Variants in FKBP5 observed in about 807,000 individuals in gnomAD.
FKBP5 encodes peptidyl-prolyl cis-trans isomerase FKBP5.
In FKBP5, 23 loss-of-function variants were observed where a neutral mutation model predicts 50.5. That is an observed-to-expected ratio of 0.46 (90% confidence interval 0.33 to 0.65). The LOEUF is 0.65. Ranked by LOEUF, FKBP5 falls within the 30% of genes least tolerant of loss-of-function variation. The pLI, the probability that FKBP5 is intolerant of heterozygous loss-of-function variation, is 0.02. For synonymous variants in FKBP5, 176 were observed against 190.6 expected, an observed-to-expected ratio of 0.92 and a Z score of 0.63; for missense variants, 411 against 553.1, an observed-to-expected ratio of 0.74 and a Z score of 2.58.
chr6:35,578,511 G>A (rs1554129943), intron 9 of FKBP5, among the ~76,000 whole-genome samples: 1 of 152,166 alleles, frequency 6.6e-6, no homozygotes, highest in Non-Finnish European at 1.5e-5. Flanking sequence ...GCTCACACCT[G>A]TAATCCCAGC....
chr6:35,691,951 T>G (rs1339652832), upstream of FKBP5, among the ~76,000 whole-genome samples: 1 of 152,178 alleles, frequency 6.6e-6, no homozygotes, highest in African/African-American at 2.4e-5. Context: ...CTTGAAATTC[T>G]TAGTACTTTC....
intron 1 of FKBP5, among the ~76,000 whole-genome samples, chr6:35,668,308 C>A (rs1418758842): frequency 6.6e-6 from 1 of 152,206 alleles, no homozygotes; most frequent in Non-Finnish European, 1.5e-5. Flanking sequence ...CCCTGCTTCT[C>A]CCTCTTAGGC....
chr6:35,642,878 T>G lies in FKBP5; in HGVS notation c.-19-35A>C, dbSNP rs759406800. On this transcript the variant is annotated intron_variant, in intron 1 of 10. Coordinates refer to ENST00000357266, the MANE Select transcript of FKBP5 (RefSeq NM_004117.4). ...AGAAAAATATTTTAGCTGGGAAAAATATCACTTCTTTATGAATCTTGAATG... is the reference window on the plus strand; with the variant it reads ...AGAAAAATATTTTAGCTGGGAAAAAGATCACTTCTTTATGAATCTTGAATG... 3.4e-6 allele frequency: 5 copies of G among 1,473,510 alleles called. No individual in the cohort carries two copies. In the South Asian group the frequency reaches 5.8e-5, roughly 17 times the overall value. The allele number at this position is 1,473,510 out of a possible 1,614,324, so 91.3% of individuals were successfully genotyped here.
At chr6:35,645,864 CA>C (rs1764614957) in intron 1 of FKBP5, among the ~76,000 whole-genome samples, 1 of 152,208 alleles carries the variant, frequency 6.6e-6, no homozygotes, top group Non-Finnish European at 1.5e-5. Context: ...CCTGTAATCT[CA>C]ACACTTTGGG....
intron 3 of FKBP5, among the ~76,000 whole-genome samples, chr6:35,625,911 C>A (rs1763983429): frequency 1.3e-5 from 2 of 151,580 alleles, no homozygotes; most frequent in African/African-American, 2.4e-5. Flanking sequence ...TCCCGAGTAG[C>A]TGGGACTACA....
At chr6:35,705,807 G>T (rs1215752469) in intron 2 of FKBP5, among the ~76,000 whole-genome samples, 1 of 152,022 alleles carries the variant, frequency 6.6e-6, no homozygotes, top group African/African-American at 2.4e-5. Context: ...AAACTATAAA[G>T]ATAATATAAG....
intron 1 of FKBP5, among the ~76,000 whole-genome samples, chr6:35,649,912 G>A (rs1431181617): frequency 2.0e-5 from 3 of 152,192 alleles, no homozygotes; most frequent in African/African-American, 4.8e-5. Context: ...TCATGGGAAT[G>A]TTAGACTAAA....
intron 1 of FKBP5, among the ~76,000 whole-genome samples, chr6:35,664,483 G>C (rs1012163731): frequency 3.3e-5 from 5 of 152,126 alleles, no homozygotes; most frequent in African/African-American, 4.8e-5. Flanking sequence ...GAACAATGTG[G>C]TATCTACAGG....
intron 7 of FKBP5, among the ~76,000 whole-genome samples, chr6:35,590,810 C>T (rs891622343): frequency 4.0e-5 from 6 of 149,852 alleles, no homozygotes; most frequent in Admixed American, 2.7e-4. Flanking sequence ...CTGTCCTCAA[C>T]CCAGGAAAAA....
chr6:35,627,220 C>G (rs1250533242), intron 3 of FKBP5, among the ~76,000 whole-genome samples: 1 of 152,080 alleles, frequency 6.6e-6, no homozygotes, highest in Non-Finnish European at 1.5e-5. Context: ...CTTGCATTTC[C>G]CTAATGATTA....
intron 5 of FKBP5, among the ~76,000 whole-genome samples, chr6:35,613,962 C>T (rs574635912): frequency 6.6e-6 from 1 of 152,290 alleles, no homozygotes; most frequent in African/African-American, 2.4e-5. Flanking sequence ...GTGGCATGAT[C>T]ACAACTCTCT....
chr6:35,714,826 A>AAT (rs1766484978), intron 2 of FKBP5, among the ~76,000 whole-genome samples: 1 of 151,938 alleles, frequency 6.6e-6, no homozygotes, highest in African/African-American at 2.4e-5. Context: ...AAAAAAAAAA[A>AAT]AAAATTCTGT....
chr6:35,607,439 AGTGACCATCCCAC>A (rs1436991758), intron 5 of FKBP5, among the ~76,000 whole-genome samples: 1 of 151,908 alleles, frequency 6.6e-6, no homozygotes, highest in Non-Finnish European at 1.5e-5. Context: ...CCTGGGCTCA[AGTGACCATCCCAC>A]CTTGGCCTCC....
chr6:35,682,271 C>T (rs1443143659), intron 1 of FKBP5, among the ~76,000 whole-genome samples: 1 of 152,136 alleles, frequency 6.6e-6, no homozygotes, highest in East Asian at 1.9e-4. Context: ...TAATATCTAA[C>T]ATGGGTAAAG....
chr6:35,711,916 G>A lies in FKBP5; in HGVS notation c.-20+8412C>T, dbSNP rs562786062. Among the ~76,000 whole-genome samples, 10 of 151,416 alleles carry A rather than the reference G, an allele frequency of 6.6e-5. No individual in the cohort carries two copies. In the East Asian group the frequency reaches 7.8e-4, roughly 12 times the overall value. ...TTTTTTGAGACAGTCTCGCTCTATC[G>A]CCCAGGCTAGAGTGCAGTGGTGCAA... On this transcript the variant is annotated intron_variant, in intron 2 of 11. Transcript: ENST00000536438.
chr6:35,589,152 G>A (rs1314578968), intron 7 of FKBP5, among the ~76,000 whole-genome samples: 6 of 131,324 alleles, frequency 4.6e-5, no homozygotes, highest in African/African-American at 1.8e-4. Context: ...CCTCTGAGAC[G>A]GAGTCTTGCT....
chr6:35,622,487 G>A (rs1411068248), intron 3 of FKBP5, among the ~76,000 whole-genome samples: 1 of 151,442 alleles, frequency 6.6e-6, no homozygotes, highest in Admixed American at 6.6e-5. Flanking sequence ...CTCCAGACTA[G>A]GTGACAGAGC....
intron 5 of FKBP5, among the ~76,000 whole-genome samples, chr6:35,597,900 C>T (rs1007044001): frequency 2.0e-5 from 3 of 152,144 alleles, no homozygotes; most frequent in Non-Finnish European, 4.4e-5. Context: ...CTTTAAGAGT[C>T]CTAATCTCAT....
chr6:35,663,664 TC>T (rs1243988253), intron 1 of FKBP5, among the ~76,000 whole-genome samples: 1 of 152,220 alleles, frequency 6.6e-6, no homozygotes, highest in Non-Finnish European at 1.5e-5. Context: ...GCACTTGCTA[TC>T]CCCACTACCT....
Sources: gnomAD v4.1 joint callset for allele counts (sites outside exome capture counted in the v4.1 genomes callset) on GRCh38, gnomAD v4.1.1 for gene constraint, MANE v1.5 for transcripts, NCBI Gene and HGNC (gene_info 2026-07-23, HGNC 2026-07-21) for gene names.